ANO1: variants seen among roughly 807,000 people sequenced by gnomAD.
ANO1 encodes anoctamin-1.
In ANO1, 59 loss-of-function variants were observed where a neutral mutation model predicts 124.0. The ratio of observed to expected loss-of-function variants is 0.48; its 90% confidence interval spans 0.39 to 0.59. The LOEUF (loss-of-function observed/expected upper bound fraction) is 0.59, where lower values mean the gene tolerates loss of function less well. Ranked by LOEUF, ANO1 falls within the 20% of genes least tolerant of loss-of-function variation. The pLI is 0.00. For missense variants in ANO1, 1,059 were observed against 1,328.0 expected (o/e 0.80, Z 3.15); for synonymous variants, 529 against 532.0 (o/e 0.99, Z 0.08).
intron 18 of ANO1, among the ~76,000 whole-genome samples, chr11:70,162,826 G>A (rs3781655): frequency 6.6e-6 from 1 of 152,226 alleles, no homozygotes; most frequent in East Asian, 1.9e-4. Context: ...AAGCCGAGAG[G>A]TTGTCTATCC....
At chr11:70,163,825 C>T (rs1447740148) in intron 19 of ANO1, among the ~76,000 whole-genome samples, 1 of 151,798 alleles carries the variant, frequency 6.6e-6, no homozygotes, top group Non-Finnish European at 1.5e-5. Context: ...GTAATCCCAC[C>T]TACTCGGGAG....
chr11:70,176,905 C>T (rs1271902671), intron 22 of ANO1, among the ~76,000 whole-genome samples: 3 of 152,194 alleles, frequency 2.0e-5, no homozygotes, highest in African/African-American at 4.8e-5. Context: ...AGGCGGATCC[C>T]GTGGGCTGGG....
In ANO1 at chr11:70,161,344, C is replaced by A; in HGVS notation, c.1762C>A (p.Arg588=). ...GGACGAGGTGTATGGCTGCATAGCC[C>A]GATGGCTCACCAAGATCGGTGAGTG... is the stretch of plus-strand genomic sequence containing the variant. ...LLDEVYGCIA[R]WLTKIEVPKT... The change falls in exon 17 of 26, where the codon CGA becomes AGA. Residue 588 remains arginine (R), a synonymous_variant. Coordinates refer to ENST00000355303, the MANE Select transcript of ANO1 (RefSeq NM_018043.7). The A allele has an allele frequency of 1.2e-6, 2 of 1,613,904 alleles. No homozygotes were observed. The highest frequency in any genetic ancestry group is 1.7e-6 in the Non-Finnish European group (2 of 1,179,868).
chr11:70,114,076 A>G (rs1565213821), intron 7 of ANO1, among the ~76,000 whole-genome samples: 1 of 152,250 alleles, frequency 6.6e-6, no homozygotes, highest in Non-Finnish European at 1.5e-5. Flanking sequence ...TTATTGTCAG[A>G]GAGCCAGCCT....
At position 70,188,320 on chromosome 11, in the gene ANO1, C is replaced by A; in HGVS notation, c.*316C>A. The A allele has an allele frequency of 2.7e-6, 1 of 376,818 alleles. No homozygotes were observed. Among genetic ancestry groups the A allele is most frequent in the African/African-American group, 2.1e-5 (1 of 48,736 alleles). The allele number at this position is 376,818 out of a possible 1,614,324, so 23.3% of individuals were successfully genotyped here. ...AAGAATGCTTGGAAACTTGAGTCTC[C>A]CTAGAGGTGAAAAGTGAGCAGAGGC... On this transcript the variant is annotated 3_prime_UTR_variant, in exon 26 of 26. Coordinates refer to ENST00000355303, the MANE Select transcript of ANO1 (RefSeq NM_018043.7).
At chr11:70,088,672 C>T (rs2044496433) in intron 2 of ANO1, among the ~76,000 whole-genome samples, 1 of 152,308 alleles carries the variant, frequency 6.6e-6, no homozygotes, top group South Asian at 2.1e-4. Context: ...CAGCCATGAC[C>T]TTCAGAGTCA....
chr11:70,038,745 A>G (rs1199020790), intron 1 of ANO1, among the ~76,000 whole-genome samples: 4 of 152,158 alleles, frequency 2.6e-5, no homozygotes, highest in African/African-American at 9.7e-5. Flanking sequence ...AGACTTTCAA[A>G]ACCGCAGGAC....
chr11:70,056,014 T>TGTTTTGTTTCTGTGG (rs1555006819), intron 1 of ANO1, among the ~76,000 whole-genome samples: 16 of 151,488 alleles, frequency 1.1e-4, no homozygotes, highest in African/African-American at 3.7e-4. Context: ...TGTATTAATA[T>TGTTTTGTTTCTGTGG]TACTTACATT....
intron 1 of ANO1, among the ~76,000 whole-genome samples, chr11:70,014,203 G>A (rs894500484): frequency 3.9e-5 from 6 of 152,142 alleles, no homozygotes; most frequent in East Asian, 1.9e-4. Context: ...GGAGCTCAGC[G>A]TATTTTCACA....
intron 11 of ANO1, chr11:70,141,820 C>G (rs2047163693): frequency 6.6e-6 from 1 of 152,236 alleles, no homozygotes; most frequent in Non-Finnish European, 1.5e-5. Context: ...TGTGTCCTTT[C>G]TTTTCCGGCC....
intron 1 of ANO1, among the ~76,000 whole-genome samples, chr11:70,066,576 T>C (rs7942393): frequency 0.72 from 108,027 of 150,870 alleles, 38,699 homozygotes; most frequent in African/African-American, 0.73. Flanking sequence ...TTGCCAAATG[T>C]CTGCAATGTG....
At chr11:70,009,334 A>C (rs1353409602) in intron 1 of ANO1, among the ~76,000 whole-genome samples, 1 of 152,168 alleles carries the variant, frequency 6.6e-6, no homozygotes, top group Non-Finnish European at 1.5e-5. Context: ...CTGCCAGAGT[A>C]GTTCCTTGAA....
chr11:70,183,346 T>C (rs2048999538), intron 24 of ANO1, among the ~76,000 whole-genome samples: 1 of 152,238 alleles, frequency 6.6e-6, no homozygotes, highest in Non-Finnish European at 1.5e-5. Context: ...GCAGCCCCTG[T>C]GGGAAGACCT....
the ANO1 span, among the ~76,000 whole-genome samples, chr11:69,972,062 AAAAT>A: frequency 6.7e-6 from 1 of 149,314 alleles, no homozygotes; most frequent in Non-Finnish European, 1.5e-5. Context: ...CTCTACTAAA[AAAAT>A]AAATAAATAA....
chr11:70,074,614 T>C (rs552098670), upstream of ANO1, among the ~76,000 whole-genome samples: 5 of 152,082 alleles, frequency 3.3e-5, no homozygotes, highest in African/African-American at 9.7e-5. Context: ...CCAGGTCCAG[T>C]TGACATGCAG....
intron 10 of ANO1, among the ~76,000 whole-genome samples, chr11:70,127,608 A>G (rs1157432962): frequency 6.6e-6 from 1 of 151,958 alleles, no homozygotes; most frequent in African/African-American, 2.4e-5. Flanking sequence ...AGGTTGGAGG[A>G]TCCCTTGAGC....
At chr11:70,096,477 A>G (rs568509476) in intron 2 of ANO1, among the ~76,000 whole-genome samples, 2 of 152,240 alleles carry the variant, frequency 1.3e-5, no homozygotes, top group South Asian at 2.1e-4. Context: ...TGACATTCTC[A>G]CTGGGAGCCC....
intron 1 of ANO1, among the ~76,000 whole-genome samples, chr11:70,026,041 T>C (rs1555003171): frequency 6.9e-6 from 1 of 145,926 alleles, no homozygotes; most frequent in East Asian, 2.0e-4. Context: ...ATGATGGTGA[T>C]GATGGTGGTG....
At chr11:70,105,190 C>T (rs1335894577) in intron 4 of ANO1, among the ~76,000 whole-genome samples, 2 of 152,154 alleles carry the variant, frequency 1.3e-5, no homozygotes, top group African/African-American at 2.4e-5. Context: ...AGCCGCCCTC[C>T]CCAGCTCTCC....
Sources: allele counts gnomAD v4.1 joint callset (sites outside exome capture counted in the v4.1 genomes callset), GRCh38; gene constraint gnomAD v4.1.1; transcripts MANE v1.5; gene names NCBI Gene and HGNC (gene_info 2026-07-23, HGNC 2026-07-21).